CCDC14: variants seen among roughly 807,000 people sequenced by gnomAD.
CCDC14 encodes the protein coiled-coil domain-containing protein 14.
A neutral mutation model predicts 81.4 loss-of-function variants in CCDC14; 71 were observed. The ratio of observed to expected loss-of-function variants is 0.87; its 90% CI spans 0.72 to 1.06. The LOEUF (loss-of-function observed/expected upper bound fraction) is 1.06, where lower values mean the gene tolerates loss of function less well. CCDC14 is among the 50% of genes least tolerant of loss of function. The pLI is 0.00. For missense variants in CCDC14, 1,046 were observed against 1,047.3 expected (o/e 1.00, Z 0.02); for synonymous variants, 332 against 364.8 (o/e 0.91, Z 1.03).
downstream of CCDC14, among the ~76,000 whole-genome samples, chr3:123,910,476 T>G (rs1160091963): frequency 1.3e-5 from 2 of 152,050 alleles, no homozygotes; most frequent in Non-Finnish European, 2.9e-5. Flanking sequence ...GACTGTACAG[T>G]GCCCTGCAGT....
chr3:123,900,313 T>C (rs942367067), intron 5 of CCDC14, among the ~76,000 whole-genome samples: 5 of 152,218 alleles, frequency 3.3e-5, no homozygotes, highest in Non-Finnish European at 5.9e-5. Context: ...CACACCCATG[T>C]ACCCACTGGA....
chr3:123,912,977 A>T (rs1275598483), downstream of CCDC14, among the ~76,000 whole-genome samples: 1 of 152,160 alleles, frequency 6.6e-6, no homozygotes, highest in East Asian at 1.9e-4. Flanking sequence ...TCTAAGGGGG[A>T]AACATTTAAG....
At chr3:123,905,638 C>A (rs1280041647) in intron 5 of CCDC14, among the ~76,000 whole-genome samples, 2 of 152,180 alleles carry the variant, frequency 1.3e-5, no homozygotes, top group East Asian at 3.8e-4. Flanking sequence ...CCTATCACTA[C>A]AACCACCACC....
downstream of CCDC14, among the ~76,000 whole-genome samples, chr3:123,892,476 C>T (rs2034003749): frequency 6.6e-6 from 1 of 152,244 alleles, no homozygotes; most frequent in Non-Finnish European, 1.5e-5. Flanking sequence ...GGTCTCTGAA[C>T]TGCCCTGGAG....
intron 5 of CCDC14, among the ~76,000 whole-genome samples, chr3:123,949,901 A>T (rs1290877927): frequency 3.3e-5 from 5 of 152,186 alleles, no homozygotes; most frequent in Admixed American, 3.3e-4. Context: ...ACACTGCCTT[A>T]TATTGCTTAT....
chr3:123,932,399 C>T (rs899602542), intron 10 of CCDC14, among the ~76,000 whole-genome samples: 3 of 152,112 alleles, frequency 2.0e-5, no homozygotes, highest in African/African-American at 7.2e-5. Flanking sequence ...TGAAACTGAA[C>T]ACTTTTATAA....
intron 5 of CCDC14, among the ~76,000 whole-genome samples, chr3:123,902,164 T>C (rs758862795): frequency 3.3e-5 from 5 of 152,224 alleles, no homozygotes; most frequent in African/African-American, 4.8e-5. Flanking sequence ...CATTTCATTA[T>C]TTTGAAAACT....
chr3:123,948,994 T>G lies in CCDC14; in HGVS notation c.491A>C (p.Glu164Ala). 1 of 1,613,984 alleles carries G rather than the reference T, an allele frequency of 6.2e-7. No homozygotes were observed. The highest frequency in any genetic ancestry group is 8.5e-7 in the Non-Finnish European group (1 of 1,179,872). ...YSPIIYQALC[E>A]HVQTQMSLMN... Reference sequence around the variant, plus strand: ...CAGTGACATCTGAGTCTGCACGTGCTCACAGAGGGCTTGGTATATTATGGG... The same window carrying G: ...CAGTGACATCTGAGTCTGCACGTGCGCACAGAGGGCTTGGTATATTATGGG... Residue 164 changes from glutamate (E) to alanine (A), a missense_variant, in exon 6 of 13, where the codon GAG becomes GCG. Transcript: ENST00000409697.
At chr3:123,952,002 T>C (rs762193169) in intron 5 of CCDC14, among the ~76,000 whole-genome samples, 11 of 152,174 alleles carry the variant, frequency 7.2e-5, no homozygotes, top group Non-Finnish European at 1.6e-4. Context: ...TACACAGTTT[T>C]AAAATAAAAC....
rs569815455 is a variant in CCDC14 at position 123,897,910 on chromosome 3, G to A, written c.668-297C>T. Among the ~76,000 whole-genome samples, 11 of 152,274 alleles carry A rather than the reference G, an allele frequency of 7.2e-5. No individual in the cohort carries two copies. In the South Asian group the frequency reaches 2.3e-3, roughly 32 times the overall value. On this transcript the variant is annotated intron_variant, in intron 5 of 5. Coordinates refer to the CCDC14 transcript ENST00000479903. The stretch of plus-strand genomic sequence containing the variant: ...ATCATGGCTGAGAAATCTATCTACT[G>A]TATAAAGTAAATCTGGAGATATTTT...
chr3:123,951,367 G>A (rs561992318), intron 5 of CCDC14, among the ~76,000 whole-genome samples: 664 of 152,234 alleles, frequency 4.4e-3, no homozygotes, highest in Non-Finnish European at 7.5e-3. Context: ...TCCCCTCTGA[G>A]ATGATTAAAA....
At chr3:123,893,613 A>G (rs1005124923), downstream of CCDC14, among the ~76,000 whole-genome samples, 3 of 152,234 alleles carry the variant, frequency 2.0e-5, no homozygotes, top group Admixed American at 6.5e-5. Flanking sequence ...ACTGAGTCAT[A>G]TGTCTATTTT....
At chr3:123,933,816 G>A (rs2035891513) in intron 9 of CCDC14, 61 bp from the exon 10 acceptor site, 1 of 1,064,952 alleles carries the variant, frequency 9.4e-7, no homozygotes. Flanking sequence ...TAGTATACAT[G>A]TGATAGCCTA....
intron 5 of CCDC14, among the ~76,000 whole-genome samples, chr3:123,951,160 TTAA>T (rs2036996657): frequency 6.6e-6 from 1 of 152,186 alleles, no homozygotes; most frequent in East Asian, 1.9e-4. Context: ...CAGAAAAATT[TTAA>T]TAATGCCTAT....
At chr3:123,934,987 A>G (rs748845246) in intron 9 of CCDC14, among the ~76,000 whole-genome samples, 21 of 152,226 alleles carry the variant, frequency 1.4e-4, no homozygotes, top group Non-Finnish European at 2.5e-4. Context: ...AGATTTAACC[A>G]TAGCAAAATT....
rs761226354 is a variant in CCDC14, at chr3:123,931,128, C to T, written c.1752G>A (p.Glu584=). The part of the protein sequence containing the change: ...LGITLRQRDA[E]VTRLRELTRT... ...TGGTTAATTCTCTTAGTCGAGTCAC[C>T]TCAGCATCACGCTGACGTAATGTTA... The change falls in exon 12 of 13, where the codon GAG becomes GAA. Residue 584 remains glutamate (E), a synonymous_variant. Transcript: ENST00000409697. 1 of 1,602,666 alleles carries T rather than the reference C, an allele frequency of 6.2e-7. No individual in the cohort carries two copies. Among genetic ancestry groups the T allele is most frequent in the Non-Finnish European group, 8.5e-7 (1 of 1,177,118 alleles).
At chr3:123,897,551 T>C (rs745747921) in exon 6 of CCDC14, 8 of 1,086,756 alleles carry the variant, frequency 7.4e-6, no homozygotes, top group Non-Finnish European at 6.1e-6. Context: ...CCGTAGTTCA[T>C]GTACTGTATT....
In CCDC14 at chr3:123,914,004, C is replaced by T. The variant is rs72962749; in HGVS notation, c.*775G>A. 2,051 of 985,274 alleles carry T rather than the reference C, an allele frequency of 2.1e-3. 26 individuals carry two copies. In the African/African-American group the frequency reaches 0.03, roughly 14 times the overall value. The allele number at this position is 985,274 out of a possible 1,614,324, so 61.0% of individuals were successfully genotyped here. ...AAAAAGGCAGAATTACAATCAATGCCAAGATTTACAAATTCCATCATGTTT... is the reference window on the plus strand; with the variant it reads ...AAAAAGGCAGAATTACAATCAATGCTAAGATTTACAAATTCCATCATGTTT... On this transcript the variant is annotated 3_prime_UTR_variant, in exon 13 of 13. Coordinates refer to ENST00000409697, the MANE Select transcript of CCDC14 (RefSeq NM_001366335.1).
At chr3:123,894,020 C>T (rs2034027127), downstream of CCDC14, among the ~76,000 whole-genome samples, 1 of 152,086 alleles carries the variant, frequency 6.6e-6, no homozygotes, top group African/African-American at 2.4e-5. Context: ...TTATTGATGT[C>T]ATACCAAAGA....
Sources: allele counts gnomAD v4.1 joint callset (sites outside exome capture counted in the v4.1 genomes callset), GRCh38; gene constraint gnomAD v4.1.1; transcripts MANE v1.5; gene names NCBI Gene and HGNC (gene_info 2026-07-23, HGNC 2026-07-21).